FHL2: variants seen among roughly 807,000 people sequenced by gnomAD.
The protein encoded by FHL2 is four and a half LIM domains 2, also known as four and a half LIM domains protein 2.
A neutral mutation model predicts 32.7 loss-of-function variants in FHL2; 20 were observed. That is an observed-to-expected ratio of 0.61 (90% confidence interval 0.43 to 0.89). The LOEUF (loss-of-function observed/expected upper bound fraction) is 0.89. FHL2 is among the 40% of genes least tolerant of loss of function. The probability of loss-of-function intolerance (pLI) is 0.00; values close to 1 mark genes in which losing one functional copy is unlikely to be tolerated. For synonymous variants in FHL2, 123 were observed against 128.1 expected, an observed-to-expected ratio of 0.96 and a Z score of 0.27; for missense variants, 311 against 358.6, an observed-to-expected ratio of 0.87 and a Z score of 1.07.
chr2:105,391,992 C>T (rs1192231104), intron 2 of FHL2, among the ~76,000 whole-genome samples: 1 of 152,176 alleles, frequency 6.6e-6, no homozygotes, highest in African/African-American at 2.4e-5. Flanking sequence ...TAAATCATTC[C>T]ATGATGTCAT....
intron 2 of FHL2, among the ~76,000 whole-genome samples, chr2:105,387,241 C>T (rs191887341): frequency 3.3e-5 from 5 of 152,236 alleles, no homozygotes; most frequent in Admixed American, 2.6e-4. Flanking sequence ...AGAAATAATA[C>T]GTCCATTTCT....
Position 105,361,246 on chromosome 2 carries a change from G to T in FHL2, c.*37C>A, listed in dbSNP as rs752238903. 6.3e-7 allele frequency: 1 copy of T among 1,591,670 alleles called. No homozygotes were observed. The highest frequency in any genetic ancestry group is 2.2e-5 in the East Asian group (1 of 44,512). On this transcript the variant is annotated 3_prime_UTR_variant, in exon 7 of 7. Coordinates refer to ENST00000530340, the MANE Select transcript of FHL2 (RefSeq NM_001318895.3). Reference sequence around the variant, plus strand: ...TGAGAAAGAAAACATAAAAATCTGTGTGTGAGATCACAAGCAGCAACTTCT... The same window carrying T: ...TGAGAAAGAAAACATAAAAATCTGTTTGTGAGATCACAAGCAGCAACTTCT...
chr2:105,436,657 T>A (rs1031030611), intron 1 of FHL2, among the ~76,000 whole-genome samples: 23 of 151,942 alleles, frequency 1.5e-4, no homozygotes, highest in South Asian at 4.2e-4. Context: ...GGTATTTTTT[T>A]AAAAAAAACG....
At chr2:105,430,795 C>A (rs559786448) in intron 1 of FHL2, among the ~76,000 whole-genome samples, 1 of 152,212 alleles carries the variant, frequency 6.6e-6, no homozygotes. Context: ...AGAGGTCCTG[C>A]CCTGTGTCTG....
intron 1 of FHL2, among the ~76,000 whole-genome samples, chr2:105,413,034 G>C (rs1404730555): frequency 1.3e-5 from 2 of 152,196 alleles, no homozygotes; most frequent in Non-Finnish European, 2.9e-5. Context: ...CAAAGTCAGA[G>C]TTAATGGTGT....
chr2:105,398,839 C>T lies in FHL2; in HGVS notation c.-76+3G>A, dbSNP rs1169178959. On this transcript the variant is annotated splice_donor_region_variant and intron_variant, in intron 1 of 6. Transcript: ENST00000530340. ...CGGACCCACAGCTCTGCTCTCCTCT[C>T]ACCAGTCTCCCCAACTCCGGCTCTG... 1.4e-6 allele frequency: 2 copies of T among 1,442,796 alleles called. No individual in the cohort carries two copies. Among genetic ancestry groups the T allele is most frequent in the African/African-American group, 1.5e-5 (1 of 67,242 alleles). 89.4% of individuals were successfully genotyped at this position (1,442,796 alleles called of 1,614,324 possible). A position where few individuals can be genotyped will look rare whatever the true frequency, so the allele number is the denominator to read the frequency against.
chr2:105,399,285 G>C (rs1683368805), upstream of FHL2: 1 of 1,535,858 alleles, frequency 6.5e-7, no homozygotes, highest in Non-Finnish European at 8.7e-7. Flanking sequence ...TAGTTATCGG[G>C]AGCGTCGCCT....
chr2:105,435,954 C>T (rs1429888280), intron 1 of FHL2, among the ~76,000 whole-genome samples: 2 of 152,116 alleles, frequency 1.3e-5, no homozygotes, highest in Non-Finnish European at 1.5e-5. Context: ...TGCATTGTTG[C>T]CTTGATATGG....
intron 1 of FHL2, among the ~76,000 whole-genome samples, chr2:105,436,613 A>G (rs1472459665): frequency 6.6e-6 from 1 of 152,078 alleles, no homozygotes; most frequent in Non-Finnish European, 1.5e-5. Flanking sequence ...ACATAATTTA[A>G]TGTTTTTGGA....
chr2:105,397,208 A>C (rs1329826021), intron 1 of FHL2, among the ~76,000 whole-genome samples: 2 of 152,116 alleles, frequency 1.3e-5, no homozygotes, highest in Non-Finnish European at 2.9e-5. Flanking sequence ...TAGTGGTTAG[A>C]ACTCAGGTTC....
intron 1 of FHL2, among the ~76,000 whole-genome samples, chr2:105,415,064 A>G (rs1036692931): frequency 6.6e-6 from 1 of 152,256 alleles, no homozygotes; most frequent in African/African-American, 2.4e-5. Flanking sequence ...ACGCAGATGT[A>G]TACAGATACT....
upstream of FHL2, among the ~76,000 whole-genome samples, chr2:105,401,424 A>C (rs147461048): frequency 6.6e-6 from 1 of 152,330 alleles, no homozygotes; most frequent in East Asian, 1.9e-4. Context: ...GCAGCAGTTC[A>C]TCTTACTAGT....
chr2:105,426,437 T>C (rs113600330), intron 1 of FHL2, among the ~76,000 whole-genome samples: 6 of 152,320 alleles, frequency 3.9e-5, no homozygotes, highest in African/African-American at 1.4e-4. Context: ...GGAAACAGCA[T>C]GGTCTATCAA....
intron 1 of FHL2, among the ~76,000 whole-genome samples, chr2:105,407,674 G>A (rs1001583064): frequency 1.3e-5 from 2 of 152,188 alleles, no homozygotes; most frequent in East Asian, 3.9e-4. Flanking sequence ...CAGATACAAT[G>A]AAGAGCTGAA....
Position 105,421,030 on chromosome 2 carries a change from G to A in FHL2, c.-25+17369C>T, listed in dbSNP as rs527645047. Among the ~76,000 whole-genome samples the A allele has an allele frequency of 3.3e-5, 5 of 152,326 alleles. No homozygotes were observed. The South Asian group carries it at 1.0e-3, about 32-fold the overall frequency. On this transcript the variant is annotated intron_variant, in intron 1 of 5. Transcript: ENST00000393352. ...CCACACCATGAGAATGGGGCACTGG[G>A]GTTGTACAGAGCCAGTGGTGGCCCA...
intron 1 of FHL2, among the ~76,000 whole-genome samples, chr2:105,427,208 T>C (rs1301908415): frequency 6.6e-6 from 1 of 152,218 alleles, no homozygotes; most frequent in Non-Finnish European, 1.5e-5. Flanking sequence ...CACCCTCACA[T>C]TTAATGCTAG....
intron 1 of FHL2, among the ~76,000 whole-genome samples, chr2:105,432,722 A>G (rs1684476641): frequency 6.6e-6 from 1 of 152,154 alleles, no homozygotes; most frequent in African/African-American, 2.4e-5. Flanking sequence ...ACACAGGCAC[A>G]CTCACACAAA....
chr2:105,428,315 G>A (rs1056076446), intron 1 of FHL2, among the ~76,000 whole-genome samples: 2 of 152,152 alleles, frequency 1.3e-5, no homozygotes, highest in Non-Finnish European at 2.9e-5. Context: ...GGGAGCCAGG[G>A]GCTTGCTGAG....
chr2:105,391,358 C>T (rs1466599946), intron 2 of FHL2, among the ~76,000 whole-genome samples: 1 of 152,092 alleles, frequency 6.6e-6, no homozygotes, highest in East Asian at 1.9e-4. Flanking sequence ...ATGATGGGCA[C>T]GCAGAGGAGG....
Sources: gnomAD v4.1 joint callset for allele counts (sites outside exome capture counted in the v4.1 genomes callset) on GRCh38, gnomAD v4.1.1 for gene constraint, MANE v1.5 for transcripts, NCBI Gene and HGNC (gene_info 2026-07-23, HGNC 2026-07-21) for gene names.